Variants in HDAC9 observed in about 807,000 individuals in gnomAD.
HDAC9 encodes the protein histone deacetylase 9.
HDAC9 carries 41 observed loss-of-function variants against 139.4 expected under a neutral mutation model. The observed-to-expected ratio is 0.29, with a 90% CI of 0.23 to 0.38. The LOEUF (loss-of-function observed/expected upper bound fraction) is 0.38, where lower values mean the gene tolerates loss of function less well. Among genes scored for constraint, HDAC9 ranks in the 10% least tolerant of loss-of-function variants. The pLI is 1.00. For synonymous variants in HDAC9, 517 were observed against 476.2 expected, an observed-to-expected ratio of 1.09 and a Z score of -1.12; for missense variants, 1,147 against 1,297.0, an observed-to-expected ratio of 0.88 and a Z score of 1.78.
intron 21 of HDAC9, among the ~76,000 whole-genome samples, chr7:18,839,336 A>G (rs1796439654): frequency 6.6e-6 from 1 of 152,024 alleles, no homozygotes; most frequent in African/African-American, 2.4e-5. Context: ...TCTACAATCT[A>G]TGCTCCTTTT....
At chr7:18,398,900 G>A (rs760972239) in intron 1 of HDAC9, among the ~76,000 whole-genome samples, 13 of 151,816 alleles carry the variant, frequency 8.6e-5, no homozygotes, top group Admixed American at 3.3e-4. Context: ...TGAAACATAC[G>A]AAATCCCTTT....
chr7:18,322,517 G>A (rs529448425), intron 1 of HDAC9, among the ~76,000 whole-genome samples: 14 of 152,190 alleles, frequency 9.2e-5, no homozygotes, highest in African/African-American at 2.6e-4. Context: ...TTGATATACC[G>A]CGTCCCTTAT....
chr7:18,992,806 G>A (rs937904097), intron 25 of HDAC9, among the ~76,000 whole-genome samples: 3 of 151,994 alleles, frequency 2.0e-5, no homozygotes, highest in African/African-American at 7.3e-5. Context: ...AAAACTATCA[G>A]TGTTCACTGT....
At chr7:18,629,322 A>ATTTTTTTTTTT (rs67361882) in intron 6 of HDAC9, 28 bp from the exon 7 acceptor site, 2 of 1,260,298 alleles carry the variant, frequency 1.6e-6, no homozygotes, top group Non-Finnish European at 1.1e-6. Context: ...ATTTTTATCT[A>ATTTTTTTTTTT]TTTTTTTTTT....
chr7:18,749,028 C>T lies in HDAC9; in HGVS notation c.1933C>T (p.Leu645=). 6.2e-7 allele frequency: 1 copy of T among 1,613,532 alleles called. No homozygotes were observed. The part of the protein sequence containing the change: ...ATGIAYDPLM[L]KHQCVCGNST... ...AGGAATTGCCTATGACCCCTTGATG[C>T]TGAAACACCAGTGCGTTTGTGGCAA... The change falls in exon 14 of 26, where the codon CTG becomes TTG. Residue 645 remains leucine, a synonymous_variant. Transcript: ENST00000686413.
chr7:18,337,793 AC>A (rs1781692173), intron 1 of HDAC9, among the ~76,000 whole-genome samples: 1 of 151,862 alleles, frequency 6.6e-6, no homozygotes, highest in Non-Finnish European at 1.5e-5. Context: ...TATTTTTAAA[AC>A]CAGCTATCTT....
intron 1 of HDAC9, among the ~76,000 whole-genome samples, chr7:18,375,941 T>C (rs1346371883): frequency 6.6e-6 from 1 of 152,186 alleles, no homozygotes; most frequent in African/African-American, 2.4e-5. Context: ...AATTATAAAA[T>C]GAATGTATTG....
chr7:18,309,413 T>G (rs1799152140), intron 1 of HDAC9, among the ~76,000 whole-genome samples: 2 of 152,172 alleles, frequency 1.3e-5, no homozygotes, highest in South Asian at 4.1e-4. Flanking sequence ...TTTTGACAGA[T>G]GGGAAAATTG....
At chr7:18,837,939 T>A (rs1796344090) in intron 21 of HDAC9, among the ~76,000 whole-genome samples, 2 of 152,064 alleles carry the variant, frequency 1.3e-5, no homozygotes, top group Admixed American at 1.3e-4. Context: ...TTTCTAAGCT[T>A]CCCAGTGTAT....
At position 18,588,369 on chromosome 7, in the gene HDAC9, A is replaced by AT. The variant is rs201730530; in HGVS notation, c.265-1958dup. Among the ~76,000 whole-genome samples, 361 of 151,638 alleles carry AT rather than the reference A, an allele frequency of 2.4e-3. 1 individual carries two copies. The highest frequency in any genetic ancestry group is 8.0e-3 in the African/African-American group (332 of 41,350). ...GGACCAGAAATATATCAGATTTTGGATTTTTTTTTCTGGATTTTGGAATAT... is the reference window on the plus strand; with the variant it reads ...GGACCAGAAATATATCAGATTTTGGATTTTTTTTTTCTGGATTTTGGAATAT... On this transcript the variant is annotated intron_variant, in intron 3 of 25. Coordinates refer to ENST00000686413, the MANE Select transcript of HDAC9 (RefSeq NM_178425.4).
At chr7:18,879,775 CAA>C (rs1235374403) in intron 22 of HDAC9, among the ~76,000 whole-genome samples, 1 of 152,084 alleles carries the variant, frequency 6.6e-6, no homozygotes, top group African/African-American at 2.4e-5. Flanking sequence ...GACAAAGACA[CAA>C]AAGCAATCCC....
chr7:18,944,686 A>G (rs1394546337), intron 23 of HDAC9, among the ~76,000 whole-genome samples: 2 of 152,108 alleles, frequency 1.3e-5, no homozygotes, highest in Non-Finnish European at 2.9e-5. Flanking sequence ...TCTCTATGAA[A>G]AGCCCCCACA....
At chr7:18,265,557 G>T (rs1222725129) in intron 2 of HDAC9, among the ~76,000 whole-genome samples, 1 of 152,012 alleles carries the variant, frequency 6.6e-6, no homozygotes, top group Non-Finnish European at 1.5e-5. Context: ...TGATAATTCA[G>T]TAGATTCCTA....
intron 1 of HDAC9, among the ~76,000 whole-genome samples, chr7:18,098,466 T>C (rs960808515): frequency 7.2e-5 from 11 of 152,228 alleles, no homozygotes; most frequent in African/African-American, 2.2e-4. Context: ...ATTTAATTGT[T>C]GTCTTATGTG....
At chr7:18,803,919 C>T (rs1312881952) in intron 17 of HDAC9, among the ~76,000 whole-genome samples, 1 of 152,136 alleles carries the variant, frequency 6.6e-6, no homozygotes, top group Admixed American at 6.5e-5. Context: ...AAACATGTTT[C>T]AAGTACCTAT....
intron 1 of HDAC9, among the ~76,000 whole-genome samples, chr7:18,113,798 G>A (rs1042869808): frequency 6.6e-6 from 1 of 152,034 alleles, no homozygotes; most frequent in East Asian, 1.9e-4. Context: ...AAGATACAGA[G>A]CTTTTTTTTA....
chr7:18,441,613 G>A (rs1344985691), intron 1 of HDAC9, among the ~76,000 whole-genome samples: 1 of 152,154 alleles, frequency 6.6e-6, no homozygotes, highest in Non-Finnish European at 1.5e-5. Flanking sequence ...ACATTCTTCA[G>A]TATTCACTTG....
At position 18,550,311 on chromosome 7, in the gene HDAC9, A is replaced by C. The variant is rs75612138; in HGVS notation, c.23-34970A>C. 8.8e-3 allele frequency among the ~76,000 whole-genome samples: 1,342 copies of C among 152,034 alleles called. 24 individuals are homozygous for C. The highest frequency in any genetic ancestry group is 0.031 in the African/African-American group (1,287 of 41,482). Reference sequence around the variant, plus strand: ...TATTCGATCCCATTTTTTTCGTTCCATTCTATGTTATGATTTCCCAACCTA... The same window carrying C: ...TATTCGATCCCATTTTTTTCGTTCCCTTCTATGTTATGATTTCCCAACCTA... On this transcript the variant is annotated intron_variant, in intron 2 of 25. Coordinates refer to ENST00000686413, the MANE Select transcript of HDAC9 (RefSeq NM_178425.4).
At chr7:18,767,669 C>T (rs1329875807) in intron 16 of HDAC9, among the ~76,000 whole-genome samples, 1 of 152,134 alleles carries the variant, frequency 6.6e-6, no homozygotes, top group African/African-American at 2.4e-5. Flanking sequence ...AGCCTTTTGA[C>T]TCAACATATT....
Sources: gnomAD v4.1 joint callset for allele counts (sites outside exome capture counted in the v4.1 genomes callset) on GRCh38, gnomAD v4.1.1 for gene constraint, MANE v1.5 for transcripts, NCBI Gene and HGNC (gene_info 2026-07-23, HGNC 2026-07-21) for gene names.